WDR1: variants seen among roughly 807,000 people sequenced by gnomAD.
WDR1 encodes the protein WD repeat domain 1, also known as WD repeat-containing protein 1.
A neutral mutation model predicts 71.9 loss-of-function variants in WDR1; 21 were observed. That is an observed-to-expected ratio of 0.29 (90% CI 0.21 to 0.42). WDR1 has a LOEUF of 0.42. WDR1 is among the 10% of genes least tolerant of loss of function. WDR1 has a pLI of 1.00. For missense variants in WDR1, 696 were observed against 824.5 expected, an observed-to-expected ratio of 0.84 and a Z score of 1.91; for synonymous variants, 424 against 347.4, an observed-to-expected ratio of 1.22 and a Z score of -2.45.
intron 3 of WDR1, among the ~76,000 whole-genome samples, chr4:10,101,370 C>G (rs1469288192): frequency 6.6e-6 from 1 of 152,266 alleles, no homozygotes; most frequent in Non-Finnish European, 1.5e-5. Flanking sequence ...TGGGCCAGCA[C>G]GGCTCTTTCT....
chr4:10,075,211 A>G lies in WDR1; in HGVS notation c.*167T>C, dbSNP rs1764753151. 1 of 607,666 alleles carries G rather than the reference A, an allele frequency of 1.6e-6. No individual in the cohort carries two copies. Among genetic ancestry groups the G allele is most frequent in the South Asian group, 2.0e-5 (1 of 50,652 alleles). 37.6% of individuals were successfully genotyped at this position (607,666 alleles called of 1,614,324 possible). On this transcript the variant is annotated 3_prime_UTR_variant, in exon 15 of 15. Coordinates refer to ENST00000499869, the MANE Select transcript of WDR1 (RefSeq NM_017491.5). ...GTTACTGTCTAAAGCTTTCAGAAGA[A>G]CGTGTACAGACACCCTGCAGAGACG... is the stretch of plus-strand genomic sequence containing the variant.
At chr4:10,082,913 T>G in intron 10 of WDR1, 109 bp downstream of exon 10, 1 of 1,377,854 alleles carries the variant, frequency 7.3e-7, no homozygotes, top group Non-Finnish European at 9.8e-7. Flanking sequence ...GTGGGAGAGA[T>G]GAAAGGAGCA....
At chr4:10,081,332 C>T (rs780601107) in intron 11 of WDR1, 25 bp downstream of exon 11, 3 of 1,611,302 alleles carry the variant, frequency 1.9e-6, no homozygotes, top group Middle Eastern at 1.7e-4. Context: ...CAGGCTCCCA[C>T]CCAAACACTA....
intron 2 of WDR1, among the ~76,000 whole-genome samples, chr4:10,106,964 TCTCCCCCCAGCCTC>T (rs1713059092): frequency 6.6e-6 from 1 of 151,718 alleles, no homozygotes; most frequent in South Asian, 2.1e-4. Flanking sequence ...AGTGTGCCCC[TCTCCCCCCAGCCTC>T]CTCCCCCTCC....
chr4:10,075,749 T>A, intron 14 of WDR1: 1 of 548,522 alleles, frequency 1.8e-6, no homozygotes. Flanking sequence ...CAGATGCCAG[T>A]GGCTCCCTCT....
At position 10,078,914 on chromosome 4, in the gene WDR1, C is replaced by T; in HGVS notation, c.1372G>A (p.Asp458Asn). ...PEVVAVHPGG[D>N]TVAIGGVDGN... ...ACCACACCCCCAATTGCCACCGTGT[C>T]CCCGCCGGGGTGCACTGCCACAACT... is the stretch of plus-strand genomic sequence containing the variant. The change falls in exon 12 of 15, where the codon GAC becomes AAC. Residue 458 changes from aspartate (D) to asparagine (N), a missense_variant. Physicochemically the swap from Asp to Asn is conservative, Grantham distance 23. Transcript: ENST00000499869. The T allele has an allele frequency of 6.2e-7, 1 of 1,612,814 alleles. No homozygotes were observed. The highest frequency in any genetic ancestry group is 8.5e-7 in the Non-Finnish European group (1 of 1,179,292).
intron 2 of WDR1, 76 bp downstream of exon 2, chr4:10,116,037 A>G (rs994722386): frequency 1.3e-6 from 2 of 1,548,592 alleles, no homozygotes; most frequent in East Asian, 2.4e-5. Flanking sequence ...GGAGGTGAGA[A>G]GTGGAGAGGA....
intron 2 of WDR1, among the ~76,000 whole-genome samples, chr4:10,104,469 G>C (rs1210627412): frequency 1.3e-5 from 2 of 152,214 alleles, no homozygotes; most frequent in Admixed American, 6.5e-5. Flanking sequence ...GAGCAGAGCA[G>C]GACACGCTGT....
chr4:10,088,759 CCTGCCTG>C lies in WDR1; in HGVS notation c.559-25_559-19del. On this transcript the variant is annotated intron_variant, in intron 5 of 14. Transcript: ENST00000499869. The stretch of plus-strand genomic sequence containing the variant: ...CTGTGGTCCTGCAGGAAAACAATTA[CCTGCCTG>C]ATGAGGGGCCGCAGGCCTGACTCTA... 6.3e-7 allele frequency: 1 copy of C among 1,576,860 alleles called. No individual in the cohort carries two copies. Among genetic ancestry groups the C allele is most frequent in the Non-Finnish European group, 8.6e-7 (1 of 1,159,632 alleles).
At chr4:10,101,798 A>G (rs943062038) in intron 3 of WDR1, among the ~76,000 whole-genome samples, 2 of 152,238 alleles carry the variant, frequency 1.3e-5, no homozygotes, top group Non-Finnish European at 2.9e-5. Flanking sequence ...TGCCAACTGC[A>G]TTCCTCTCCT....
rs1018723780 is a variant in WDR1, at chr4:10,083,744, C to A, written c.1040-566G>T. ...TGCCCAGGCACTCTGCAGATGGTGGCTCCAAGGTTCAAGACACACCCGTGA... is the reference window on the plus strand; with the variant it reads ...TGCCCAGGCACTCTGCAGATGGTGGATCCAAGGTTCAAGACACACCCGTGA... On this transcript the variant is annotated intron_variant, in intron 9 of 14. Coordinates refer to ENST00000499869, the MANE Select transcript of WDR1 (RefSeq NM_017491.5). The A allele has an allele frequency of 8.1e-5, 37 of 454,998 alleles. No homozygotes were observed. The East Asian group carries it at 1.3e-3, about 15-fold the overall frequency. 28.2% of individuals were successfully genotyped at this position (454,998 alleles called of 1,614,324 possible).
chr4:10,081,928 C>G (rs1765031224), intron 10 of WDR1, among the ~76,000 whole-genome samples: 1 of 152,244 alleles, frequency 6.6e-6, no homozygotes, highest in African/African-American at 2.4e-5. Flanking sequence ...TAGAAAGACT[C>G]ATACACACAA....
rs761747436 is a variant in WDR1, at chr4:10,081,383, A to G, written c.1258T>C (p.Tyr420His). 8.7e-6 allele frequency: 14 copies of G among 1,613,916 alleles called. No individual in the cohort carries two copies. The highest frequency in any genetic ancestry group is 1.1e-5 in the Non-Finnish European group (13 of 1,179,848). The part of the protein sequence containing the change: ...PKCVAVGPGG[Y>H]AVVVCIGQIV... ...TGTCCAATGCACACGACCACGGCGT[A>G]TCCCCCGGGGCCGACGGCTACGCAC... Residue 420 changes from tyrosine to histidine, a missense_variant, in exon 11 of 15, where the codon TAC becomes CAC. By Grantham distance (83) the Tyr-to-His change is moderately conservative (BLOSUM62 2). Transcript: ENST00000499869.
intron 2 of WDR1, among the ~76,000 whole-genome samples, chr4:10,108,671 C>G (rs1713168456): frequency 6.6e-6 from 1 of 152,220 alleles, no homozygotes; most frequent in African/African-American, 2.4e-5. Flanking sequence ...TCACTGGTGA[C>G]TACAACTAAG....
intron 2 of WDR1, chr4:10,108,264 G>A (rs1412278228): frequency 6.6e-6 from 1 of 152,172 alleles, no homozygotes; most frequent in Admixed American, 6.6e-5. Context: ...GGGGCCAGAG[G>A]TCACTACTCC....
chr4:10,107,148 TG>T, intron 2 of WDR1, among the ~76,000 whole-genome samples: 1 of 152,200 alleles, frequency 6.6e-6, no homozygotes, highest in Middle Eastern at 3.4e-3. Flanking sequence ...CCTGGGGGCC[TG>T]GGGGAGACCA....
At chr4:10,078,801 A>T (rs983526315) in intron 12 of WDR1, 90 bp downstream of exon 12, 105 of 1,141,882 alleles carry the variant, frequency 9.2e-5, no homozygotes, top group Non-Finnish European at 1.3e-4. Flanking sequence ...GCCTTCCCTG[A>T]GACAGCCCCG....
At chr4:10,076,346 A>T (rs1329755171) in intron 14 of WDR1, 1 of 152,334 alleles carries the variant, frequency 6.6e-6, no homozygotes, top group Non-Finnish European at 1.5e-5. Flanking sequence ...GCTCTTTTCC[A>T]GATGCAGAAC....
chr4:10,116,481 G>T, intron 1 of WDR1, 170 bp downstream of exon 1: 1 of 720,164 alleles, frequency 1.4e-6, no homozygotes, highest in Non-Finnish European at 1.9e-6. Flanking sequence ...ACCCCCCGTC[G>T]GGGGTCCCGC....
Sources: allele counts gnomAD v4.1 joint callset (sites outside exome capture counted in the v4.1 genomes callset), GRCh38; gene constraint gnomAD v4.1.1; transcripts MANE v1.5; gene names NCBI Gene and HGNC (gene_info 2026-07-23, HGNC 2026-07-21).